The following KTN1 variants were observed in gnomAD, a reference collection of about 807,000 sequenced individuals.
KTN1 encodes kinectin 1, also known as kinectin.
A neutral mutation model predicts 222.5 loss-of-function variants in KTN1; 130 were observed. The observed-to-expected ratio is 0.58, with a 90% CI of 0.51 to 0.68. The LOEUF (loss-of-function observed/expected upper bound fraction) is 0.68, where lower values mean the gene tolerates loss of function less well. Among genes scored for constraint, KTN1 ranks in the 30% least tolerant of loss-of-function variants. The pLI, the probability that KTN1 is intolerant of heterozygous loss-of-function variation, is 0.00. For synonymous variants in KTN1, 512 were observed against 496.3 expected (o/e 1.03, Z -0.42); for missense variants, 1,508 against 1,500.4 (o/e 1.01, Z -0.08).
intron 29 of KTN1, among the ~76,000 whole-genome samples, chr14:55,656,627 A>C (rs1224833808): frequency 6.6e-6 from 1 of 151,838 alleles, no homozygotes; most frequent in Non-Finnish European, 1.5e-5. Context: ...CACTATGCCC[A>C]GCTAATTTTT....
At chr14:55,620,308 C>A (rs1411831903) in intron 5 of KTN1, among the ~76,000 whole-genome samples, 1 of 152,138 alleles carries the variant, frequency 6.6e-6, no homozygotes, top group Non-Finnish European at 1.5e-5. Context: ...GCTCACAGTA[C>A]AAGCTGTCAG....
intron 1 of KTN1, among the ~76,000 whole-genome samples, chr14:55,608,484 T>C (rs1307828827): frequency 1.3e-5 from 2 of 152,232 alleles, no homozygotes; most frequent in African/African-American, 4.8e-5. Flanking sequence ...ATTTTGACTT[T>C]TTAGCAGCAT....
chr14:55,604,022 C>T (rs2036371266), intron 1 of KTN1, among the ~76,000 whole-genome samples: 1 of 152,148 alleles, frequency 6.6e-6, no homozygotes, highest in Non-Finnish European at 1.5e-5. Flanking sequence ...CCTAACAGTT[C>T]TCCCTGATTT....
rs137907482 is a variant in KTN1, at chr14:55,673,192, A to T, written c.3708A>T (p.Glu1236Asp). Residue 1236 changes from glutamate (E) to aspartate (D), a missense_variant, in exon 40 of 44, where the codon GAA becomes GAT. Transcript: ENST00000395314. ...EVRELKDLLT[E>D]LQKKLDDSYS... ...TGCAGCTGAAAGATCTGTTGACTGAATTGCAGAAAAAACTTGATGATTCAT... is the reference window on the plus strand; with the variant it reads ...TGCAGCTGAAAGATCTGTTGACTGATTTGCAGAAAAAACTTGATGATTCAT... 5 of 1,612,940 alleles carry T rather than the reference A, an allele frequency of 3.1e-6. No individual in the cohort carries two copies. The African/African-American group carries it at 5.3e-5, about 17-fold the overall frequency.
intron 7 of KTN1, among the ~76,000 whole-genome samples, chr14:55,632,347 T>A (rs2040623015): frequency 6.6e-6 from 1 of 151,824 alleles, no homozygotes; most frequent in Non-Finnish European, 1.5e-5. Context: ...AAAATAGAAA[T>A]GTATACCTTA....
Position 55,663,951 on chromosome 14 carries a change from T to A in KTN1, c.3091-4T>A, listed in dbSNP as rs1595208824. The A allele has an allele frequency of 6.2e-7, 1 of 1,604,738 alleles. No homozygotes were observed. Among genetic ancestry groups the A allele is most frequent in the Non-Finnish European group, 8.5e-7 (1 of 1,172,426 alleles). On this transcript the variant is annotated splice_region_variant and splice_polypyrimidine_tract_variant and intron_variant, in intron 32 of 43. Transcript: ENST00000395314. Reference sequence around the variant, plus strand: ...CTGAAATCATTCTTTCTAAAAATGATTAGGACCTTCGGGAGAAAAACTGGG... The same window carrying A: ...CTGAAATCATTCTTTCTAAAAATGAATAGGACCTTCGGGAGAAAAACTGGG...
chr14:55,674,339 A>AGT (rs1354848327), intron 40 of KTN1: 1 of 152,084 alleles, frequency 6.6e-6, no homozygotes, highest in Non-Finnish European at 1.5e-5. Context: ...GAAATGCTCC[A>AGT]GTGAACATTT....
chr14:55,599,636 C>G (rs1361614413), intron 1 of KTN1, among the ~76,000 whole-genome samples: 2 of 151,996 alleles, frequency 1.3e-5, no homozygotes, highest in Non-Finnish European at 2.9e-5. Flanking sequence ...CCACCACGCT[C>G]GGCTAATTTT....
rs530702652 is a variant in KTN1 at position 55,642,192 on chromosome 14, A to G, written c.2172+432A>G. ...ACACCTCTCATTCCAAGCCTTTCAC[A>G]TGGAGATTATATTATATTTACACCA... is the stretch of plus-strand genomic sequence containing the variant. On this transcript the variant is annotated intron_variant, in intron 18 of 43. Coordinates refer to ENST00000395314, the MANE Select transcript of KTN1 (RefSeq NM_001079521.2). Among the ~76,000 whole-genome samples, 32 of 152,268 alleles carry G rather than the reference A, an allele frequency of 2.1e-4. No homozygotes were observed. In the East Asian group the frequency reaches 2.3e-3, roughly 11 times the overall value.
rs2037660507 is a variant in KTN1, at chr14:55,612,069, A to G, written c.21A>G (p.Ala7=). 6.7e-7 allele frequency: 1 copy of G among 1,490,424 alleles called. No individual in the cohort carries two copies. Among genetic ancestry groups the G allele is most frequent in the Non-Finnish European group, 8.9e-7 (1 of 1,124,156 alleles). The allele number at this position is 1,490,424 out of a possible 1,614,324, so 92.3% of individuals were successfully genotyped here. The change falls in exon 2 of 44, where the codon GCA becomes GCG. Residue 7 remains alanine (A), a synonymous_variant. Transcript: ENST00000395314. MEFYES[A]YFIVLIPSIV... Reference sequence around the variant, plus strand: ...GTACCATGGAGTTTTATGAGTCAGCATATTTTATTGTTCTTATTCCTTCAA... The same window carrying G: ...GTACCATGGAGTTTTATGAGTCAGCGTATTTTATTGTTCTTATTCCTTCAA...
chr14:55,659,243 A>G (rs1386150079), intron 30 of KTN1, among the ~76,000 whole-genome samples: 4 of 151,632 alleles, frequency 2.6e-5, no homozygotes, highest in African/African-American at 9.7e-5. Flanking sequence ...TTGCATGTTG[A>G]TGTATAAATA....
intron 1 of KTN1, among the ~76,000 whole-genome samples, chr14:55,593,817 C>T (rs574965975): frequency 1.8e-4 from 28 of 151,488 alleles, no homozygotes; most frequent in Admixed American, 3.3e-4. Context: ...GTTTTTCTCC[C>T]CTCTCCTCCC....
Position 55,636,455 on chromosome 14 carries a change from C to G in KTN1, c.1468C>G (p.Leu490Val). The G allele has an allele frequency of 6.2e-7, 1 of 1,607,952 alleles. No individual in the cohort carries two copies. The highest frequency in any genetic ancestry group is 1.3e-5 in the African/African-American group (1 of 74,852). The change falls in exon 10 of 44, where the codon CTA (leucine) becomes GTA (valine). Residue 490 changes from leucine (L) to valine (V), a missense_variant. By Grantham distance (32) the Leu-to-Val change is conservative (BLOSUM62 1). Coordinates refer to ENST00000395314, the MANE Select transcript of KTN1 (RefSeq NM_001079521.2). ...TCCCTTTTAAAATACCAAGGTTCAA[C>G]TACAAGAAGCTGAGAGAAGGTGGGA... The part of the protein sequence containing the change: ...EQAATQLKVQ[L>V]QEAERRWEEV...
intron 40 of KTN1, 142 bp downstream of exon 40, chr14:55,673,397 C>T (rs45501402): frequency 0.066 from 33,596 of 505,840 alleles, 1,404 homozygotes; most frequent in Non-Finnish European, 0.086. Context: ...CTTCATATTC[C>T]GATGATTCCT....
chr14:55,649,852 T>A (rs777204230), intron 22 of KTN1, 39 bp downstream of exon 22: 2 of 1,243,066 alleles, frequency 1.6e-6, no homozygotes, highest in Non-Finnish European at 2.3e-6. Flanking sequence ...TTTTCTTCTT[T>A]GGTCCATTTT....
At chr14:55,643,044 G>A (rs1248964313) in intron 18 of KTN1, among the ~76,000 whole-genome samples, 1 of 151,940 alleles carries the variant, frequency 6.6e-6, no homozygotes, top group Non-Finnish European at 1.5e-5. Context: ...TGAGTAGCTG[G>A]GACTACAGGC....
chr14:55,666,336 C>G (rs12435643), intron 33 of KTN1, among the ~76,000 whole-genome samples: 33,991 of 151,688 alleles, frequency 0.22, 4,154 homozygotes, highest in East Asian at 0.32. Context: ...AGCTTGCTTG[C>G]CTTCTTGTCA....
chr14:55,614,803 G>T (rs1323621847), intron 2 of KTN1, among the ~76,000 whole-genome samples: 1 of 152,156 alleles, frequency 6.6e-6, no homozygotes, highest in East Asian at 1.9e-4. Flanking sequence ...TGCAGAAAAA[G>T]TTTGCCAACT....
intron 5 of KTN1, among the ~76,000 whole-genome samples, chr14:55,621,146 C>G (rs188757302): frequency 7.7e-4 from 117 of 152,258 alleles, no homozygotes; most frequent in African/African-American, 2.7e-3. Context: ...TACTCCATTT[C>G]CCAACATGTT....
Sources: gnomAD v4.1 joint callset for allele counts (sites outside exome capture counted in the v4.1 genomes callset) on GRCh38, gnomAD v4.1.1 for gene constraint, MANE v1.5 for transcripts, NCBI Gene and HGNC (gene_info 2026-07-23, HGNC 2026-07-21) for gene names.